SYNPO2: variants seen among roughly 807,000 people sequenced by gnomAD.
The protein encoded by SYNPO2 is synaptopodin 2.
In SYNPO2, 56 loss-of-function variants were observed where a neutral mutation model predicts 85.0. The observed-to-expected ratio is 0.66, with a 90% CI of 0.53 to 0.82. The LOEUF (loss-of-function observed/expected upper bound fraction) is 0.82, where lower values mean the gene tolerates loss of function less well. Ranked by LOEUF, SYNPO2 falls within the 40% of genes least tolerant of loss-of-function variation. SYNPO2 has a pLI of 0.00. For missense variants in SYNPO2, 1,575 were observed against 1,534.2 expected, an observed-to-expected ratio of 1.03 and a Z score of -0.44; for synonymous variants, 602 against 591.1, an observed-to-expected ratio of 1.02 and a Z score of -0.27.
chr4:119,033,566 T>C, intron 4 of SYNPO2: 1 of 985,440 alleles, frequency 1.0e-6, no homozygotes, highest in Non-Finnish European at 1.2e-6. Flanking sequence ...TCATCTACTC[T>C]ATGCAGGAGA....
At chr4:118,977,417 C>T (rs886964409) in intron 1 of SYNPO2, among the ~76,000 whole-genome samples, 14 of 152,248 alleles carry the variant, frequency 9.2e-5, no homozygotes, top group African/African-American at 1.4e-4. Flanking sequence ...CCCCGGTTCC[C>T]GCTCACGCCT....
rs147316163 is a variant in SYNPO2 at position 119,058,805 on chromosome 4, A to T, written c.*871A>T. The T allele has an allele frequency of 2.6e-5, 4 of 152,084 alleles. No individual in the cohort carries two copies. The highest frequency in any genetic ancestry group is 9.7e-5 in the African/African-American group (4 of 41,406). 9.4% of individuals were successfully genotyped at this position (152,084 alleles called of 1,614,324 possible). A position where few individuals can be genotyped will look rare whatever the true frequency, so the allele number is the denominator to read the frequency against. ...AACATTTTTTTAAAAAAATCTAATA[A>T]ATCTTAGATTTTTAAAAAAGAATTA... On this transcript the variant is annotated 3_prime_UTR_variant, in exon 5 of 5. Transcript: ENST00000307142.
chr4:118,952,736 T>G (rs1734742802), intron 1 of SYNPO2, among the ~76,000 whole-genome samples: 2 of 152,180 alleles, frequency 1.3e-5, no homozygotes, highest in South Asian at 4.1e-4. Flanking sequence ...GATAGAACAA[T>G]TTAGCACATT....
At chr4:118,936,473 T>C (rs1734106482) in intron 1 of SYNPO2, among the ~76,000 whole-genome samples, 1 of 152,146 alleles carries the variant, frequency 6.6e-6, no homozygotes, top group Admixed American at 6.5e-5. Context: ...TTTTCTCTTA[T>C]AAAAATGAAA....
At chr4:118,900,703 C>CTCTCTCTCTATA (rs1277981772) in intron 1 of SYNPO2, among the ~76,000 whole-genome samples, 69 of 43,854 alleles carry the variant, frequency 1.6e-3, no homozygotes, top group Non-Finnish European at 2.6e-3. Flanking sequence ...CTCTCTCTCT[C>CTCTCTCTCTATA]TATATATATA....
chr4:118,980,482 G>A (rs1295185712), intron 1 of SYNPO2, among the ~76,000 whole-genome samples: 4 of 151,746 alleles, frequency 2.6e-5, no homozygotes, highest in Non-Finnish European at 5.9e-5. Flanking sequence ...GGGTCACCAT[G>A]AGCCTTGTTA....
chr4:119,051,338 C>A lies in SYNPO2; in HGVS notation c.3253-6063C>A, dbSNP rs566458369. The stretch of plus-strand genomic sequence containing the variant: ...CCGAGTAGCTGGGACTACAAGCGCC[C>A]GCCACTACGCCCGGCTAATTTTTTG... On this transcript the variant is annotated intron_variant, in intron 4 of 4. Transcript: ENST00000307142. Among the ~76,000 whole-genome samples, 25 of 148,684 alleles carry A rather than the reference C, an allele frequency of 1.7e-4. 2 individuals are homozygous for A. The East Asian group carries it at 4.4e-3, about 26-fold the overall frequency.
rs574821280 is a variant in SYNPO2, at chr4:118,990,755, C to T, written c.106-32675C>T. ...TCCTGAGTAGCTGGGACTACAGGTG[C>T]GTGCCACCATACCCCACTAATTTTT... On this transcript the variant is annotated intron_variant, in intron 1 of 4. Coordinates refer to ENST00000307142, the MANE Select transcript of SYNPO2 (RefSeq NM_133477.3). 2.6e-5 allele frequency among the ~76,000 whole-genome samples: 4 copies of T among 152,144 alleles called. No individual in the cohort carries two copies. The East Asian group carries it at 5.8e-4, about 22-fold the overall frequency.
intron 1 of SYNPO2, among the ~76,000 whole-genome samples, chr4:118,966,121 CT>C (rs1186965211): frequency 6.6e-6 from 1 of 152,098 alleles, no homozygotes; most frequent in African/African-American, 2.4e-5. Flanking sequence ...AAAGCTAAGT[CT>C]GATAGGACAA....
chr4:118,906,839 C>T (rs1291976951), intron 1 of SYNPO2, among the ~76,000 whole-genome samples: 2 of 151,762 alleles, frequency 1.3e-5, no homozygotes, highest in Non-Finnish European at 1.5e-5. Context: ...TTTTATTTTT[C>T]TTAGGAAACA....
intron 1 of SYNPO2, among the ~76,000 whole-genome samples, chr4:118,968,901 C>T (rs192478576): frequency 1.3e-5 from 2 of 152,214 alleles, no homozygotes; most frequent in East Asian, 3.9e-4. Flanking sequence ...CTGACTAAAA[C>T]GTCAGAGATT....
chr4:118,906,930 C>T (rs1560849099), intron 1 of SYNPO2, among the ~76,000 whole-genome samples: 1 of 151,944 alleles, frequency 6.6e-6, no homozygotes, highest in African/African-American at 2.4e-5. Context: ...ACCTCAGCCT[C>T]CTAAGTAGCT....
chr4:118,968,667 G>T (rs1735406807), intron 1 of SYNPO2, among the ~76,000 whole-genome samples: 1 of 152,202 alleles, frequency 6.6e-6, no homozygotes, highest in African/African-American at 2.4e-5. Context: ...TCTTCTGGGA[G>T]TCCCTGGTGG....
intron 1 of SYNPO2, among the ~76,000 whole-genome samples, chr4:118,981,446 A>G (rs142456535): frequency 0.01 from 1,578 of 152,186 alleles, 25 homozygotes; most frequent in African/African-American, 0.036. Flanking sequence ...CAATGTCAAT[A>G]CCCTCCTCCG....
chr4:118,861,182 A>T (rs954390870), intron 1 of SYNPO2, among the ~76,000 whole-genome samples: 3 of 151,750 alleles, frequency 2.0e-5, no homozygotes, highest in African/African-American at 7.3e-5. Context: ...TTTTTTTGAG[A>T]TGGAGTCTCA....
At chr4:119,012,050 G>A (rs1390666750) in intron 1 of SYNPO2, among the ~76,000 whole-genome samples, 1 of 151,164 alleles carries the variant, frequency 6.6e-6, no homozygotes, top group Non-Finnish European at 1.5e-5. Flanking sequence ...AGCCTTCTGA[G>A]TAGCTAGGAT....
At chr4:118,940,900 C>T (rs1188486339) in intron 1 of SYNPO2, among the ~76,000 whole-genome samples, 2 of 97,534 alleles carry the variant, frequency 2.1e-5, no homozygotes, top group African/African-American at 3.2e-5. Flanking sequence ...CATGTTGGTG[C>T]TCCTCCGGGT....
At chr4:118,902,329 A>G (rs1732786375) in intron 1 of SYNPO2, among the ~76,000 whole-genome samples, 1 of 152,156 alleles carries the variant, frequency 6.6e-6, no homozygotes, top group South Asian at 2.1e-4. Flanking sequence ...CATACCTGAG[A>G]CTAAGTAATT....
chr4:119,047,755 A>T (rs1445185872), intron 4 of SYNPO2, among the ~76,000 whole-genome samples: 3 of 152,100 alleles, frequency 2.0e-5, no homozygotes, highest in Non-Finnish European at 2.9e-5. Flanking sequence ...CTATGCAGAA[A>T]TTTTTTCCAG....
Sources: gnomAD v4.1 joint callset for allele counts (sites outside exome capture counted in the v4.1 genomes callset) on GRCh38, gnomAD v4.1.1 for gene constraint, MANE v1.5 for transcripts, NCBI Gene and HGNC (gene_info 2026-07-23, HGNC 2026-07-21) for gene names.